Variants in ADD1 observed in about 807,000 individuals in gnomAD.
The protein encoded by ADD1 is alpha-adducin.
A neutral mutation model predicts 80.5 loss-of-function variants in ADD1; 24 were observed. The ratio of observed to expected loss-of-function variants is 0.30; its 90% CI spans 0.22 to 0.42. ADD1 has a LOEUF of 0.42. Ranked by LOEUF, ADD1 falls within the 10% of genes least tolerant of loss-of-function variation. The probability of loss-of-function intolerance (pLI) is 1.00; values close to 1 mark genes in which losing one functional copy is unlikely to be tolerated. For synonymous variants in ADD1, 373 were observed against 393.8 expected, an observed-to-expected ratio of 0.95 and a Z score of 0.63; for missense variants, 948 against 1,019.0, an observed-to-expected ratio of 0.93 and a Z score of 0.95.
At chr4:2,876,311 G>A (rs1457556924) in intron 2 of ADD1, 14 of 461,980 alleles carry the variant, frequency 3.0e-5, no homozygotes, top group East Asian at 1.7e-4. Flanking sequence ...CTTCAGTGTC[G>A]TAAAGGATAG....
Position 2,915,018 on chromosome 4 carries a change from G to C in ADD1, c.1926G>C (p.Glu642Asp). The C allele has an allele frequency of 6.2e-7, 1 of 1,613,664 alleles. No homozygotes were observed. Among genetic ancestry groups the C allele is most frequent in the Non-Finnish European group, 8.5e-7 (1 of 1,179,782 alleles). The change falls in exon 14 of 16, where the codon GAG becomes GAC. Residue 642 changes from glutamate to aspartate, a missense_variant. Glu to Asp is a conservative substitution (Grantham distance 45). Coordinates refer to ENST00000683351, the MANE Select transcript of ADD1 (RefSeq NM_001354761.2). ...TGGAGGAGTACCGCAGGGAGGTGGA[G>C]AGGAAGCAGAAGGGCTCTGAAGGTG... Reference protein sequence around the residue: ...RELEEYRREVERKQKGSEENL... With the variant: ...RELEEYRREVDRKQKGSEENL...
At chr4:2,914,235 T>C (rs1471752447) in intron 13 of ADD1, among the ~76,000 whole-genome samples, 1 of 152,198 alleles carries the variant, frequency 6.6e-6, no homozygotes, top group African/African-American at 2.4e-5. Context: ...CCTCCTGCTT[T>C]AAGATTGGTG....
intron 1 of ADD1, among the ~76,000 whole-genome samples, chr4:2,849,298 C>A (rs1249859949): frequency 6.6e-6 from 1 of 152,006 alleles, no homozygotes; most frequent in Non-Finnish European, 1.5e-5. Context: ...TATTATAAAC[C>A]TAGACAGTGC....
At chr4:2,850,432 A>G (rs1285880247) in intron 1 of ADD1, among the ~76,000 whole-genome samples, 1 of 139,458 alleles carries the variant, frequency 7.2e-6, no homozygotes, top group African/African-American at 2.7e-5. Context: ...TGCCCGGCTG[A>G]TTTTTTTTTC....
chr4:2,856,408 T>C (rs1728069983), intron 1 of ADD1, among the ~76,000 whole-genome samples: 1 of 152,184 alleles, frequency 6.6e-6, no homozygotes, highest in Admixed American at 6.5e-5. Flanking sequence ...TGGCCTTGGC[T>C]ATTCTGCATA....
chr4:2,885,355 C>A (rs1199100918), intron 4 of ADD1, among the ~76,000 whole-genome samples: 1 of 152,190 alleles, frequency 6.6e-6, no homozygotes. Context: ...GAACCCAAAT[C>A]TCAAATGGGC....
chr4:2,897,415 T>A (rs868731018), intron 6 of ADD1, among the ~76,000 whole-genome samples: 1 of 148,838 alleles, frequency 6.7e-6, no homozygotes, highest in Non-Finnish European at 1.5e-5. Context: ...TGTATATATA[T>A]AATTACATTA....
chr4:2,862,955 A>G (rs1729016901), intron 1 of ADD1, among the ~76,000 whole-genome samples: 1 of 152,142 alleles, frequency 6.6e-6, no homozygotes, highest in African/African-American at 2.4e-5. Flanking sequence ...CTCCAGTTGC[A>G]TTTGAAAAGT....
In ADD1 at chr4:2,926,233, A is replaced by G. The variant is rs1711581793; in HGVS notation, c.2047+121A>G. On this transcript the variant is annotated intron_variant, in intron 15 of 15. Coordinates refer to ENST00000683351, the MANE Select transcript of ADD1 (RefSeq NM_001354761.2). This position sits in a 1 kb window ranked among gnomAD's most constrained non-coding sequence, Gnocchi z 5.0. ...GGAAGTGTGTGCTTGCATCAGCGCC[A>G]GGACGTGACACCTTTCTCCTCCTAT... 1 of 864,666 alleles carries G rather than the reference A, an allele frequency of 1.2e-6. No homozygotes were observed. Among genetic ancestry groups the G allele is most frequent in the Non-Finnish European group, 1.9e-6 (1 of 517,840 alleles). The allele number at this position is 864,666 out of a possible 1,614,324, so 53.6% of individuals were successfully genotyped here. A position where few individuals can be genotyped will look rare whatever the true frequency, so the allele number is the denominator to read the frequency against.
At position 2,850,448 on chromosome 4, in the gene ADD1, C is replaced by T. The variant is rs540187550; in HGVS notation, c.-21+6424C>T. Among the ~76,000 whole-genome samples, 391 of 150,776 alleles carry T rather than the reference C, an allele frequency of 2.6e-3. 3 individuals carry two copies. Among genetic ancestry groups the T allele is most frequent in the African/African-American group, 9.2e-3 (376 of 41,060 alleles). On this transcript the variant is annotated intron_variant, in intron 1 of 15. Coordinates refer to ENST00000683351, the MANE Select transcript of ADD1 (RefSeq NM_001354761.2). ...GCCCGGCTGATTTTTTTTTCTGAGA[C>T]GGTGTCTTGCTCTGTCGCCCAGGCT...
chr4:2,852,262 C>CTTTCTTTCT lies in ADD1; in HGVS notation c.-21+8240_-21+8241insTCTTTCTTT, dbSNP rs1560139031. Among the ~76,000 whole-genome samples the CTTTCTTTCT allele has an allele frequency of 3.9e-3, 303 of 78,094 alleles. 1 individual carries two copies. The highest frequency in any genetic ancestry group is 0.012 in the African/African-American group (275 of 23,152). 51.2% of individuals were successfully genotyped at this position (78,094 alleles called of 152,430 possible). A position where few individuals can be genotyped will look rare whatever the true frequency, so the allele number is the denominator to read the frequency against. ...TTCTTTCTTTCTCTTTCTTTCTTTC[C>CTTTCTTTCT]TTCCTTCCTTCCTTCCTTCTTTTCT... On this transcript the variant is annotated intron_variant, in intron 1 of 15. Transcript: ENST00000683351.
intron 1 of ADD1, among the ~76,000 whole-genome samples, chr4:2,866,313 C>T (rs1030293726): frequency 6.6e-6 from 1 of 152,020 alleles, no homozygotes; most frequent in Non-Finnish European, 1.5e-5. Flanking sequence ...ACTACAGGCA[C>T]GCACCATCAC....
chr4:2,907,668 A>C, intron 10 of ADD1, 75 bp from the exon 11 acceptor site: 1 of 1,252,458 alleles, frequency 8.0e-7, no homozygotes, highest in Non-Finnish European at 1.2e-6. Context: ...GATGTGAGAT[A>C]AACTGAATAG....
At chr4:2,925,544 G>C (rs1274968779) in intron 14 of ADD1, among the ~76,000 whole-genome samples, 1 of 152,190 alleles carries the variant, frequency 6.6e-6, no homozygotes, top group African/African-American at 2.4e-5. Flanking sequence ...ACGTATTACA[G>C]TTGCCAAGTT....
intron 6 of ADD1, among the ~76,000 whole-genome samples, chr4:2,895,089 G>A (rs1295712325): frequency 1.3e-5 from 2 of 151,866 alleles, no homozygotes; most frequent in Admixed American, 1.3e-4. Context: ...GTGAGACCCC[G>A]TCTGTACAAA....
rs534475305 is a variant in ADD1 at position 2,871,928 on chromosome 4, T to C, written c.-20-3968T>C. Among the ~76,000 whole-genome samples, 3 of 152,358 alleles carry C rather than the reference T, an allele frequency of 2.0e-5. No individual in the cohort carries two copies. The East Asian group carries it at 5.8e-4, about 29-fold the overall frequency. On this transcript the variant is annotated intron_variant, in intron 1 of 15. Transcript: ENST00000683351. The stretch of plus-strand genomic sequence containing the variant: ...TTACAGTTTGTTTCAATCAGGATCC[T>C]ACTAAGGTCCACATATTAGTTCTCA...
At chr4:2,857,053 C>T (rs568692407) in intron 1 of ADD1, among the ~76,000 whole-genome samples, 10 of 152,056 alleles carry the variant, frequency 6.6e-5, no homozygotes, top group African/African-American at 2.2e-4. Flanking sequence ...GCTGGGACTA[C>T]AGGCTCATGC....
chr4:2,845,323 G>C (rs888788924), intron 1 of ADD1, among the ~76,000 whole-genome samples: 2 of 152,150 alleles, frequency 1.3e-5, no homozygotes, highest in Non-Finnish European at 2.9e-5. Context: ...CGTCCGCCTA[G>C]GCCTCCAAAA....
At chr4:2,905,202 CAGGTGTAA>C in intron 10 of ADD1, 94 bp downstream of exon 10, 1 of 1,234,294 alleles carries the variant, frequency 8.1e-7, no homozygotes, top group Non-Finnish European at 1.2e-6. Context: ...CTTTCTGACC[CAGGTGTAA>C]AGCGAACCTT....
Sources: allele counts gnomAD v4.1 joint callset (sites outside exome capture counted in the v4.1 genomes callset), GRCh38; gene constraint gnomAD v4.1.1; non-coding constraint Gnocchi (gnomAD v3.1); transcripts MANE v1.5; gene names NCBI Gene and HGNC (gene_info 2026-07-23, HGNC 2026-07-21).